TUBD1: variants seen among roughly 807,000 people sequenced by gnomAD.
The protein encoded by TUBD1 is tubulin delta chain.
In TUBD1, 38 loss-of-function variants were observed where a neutral mutation model predicts 51.2. The observed-to-expected ratio is 0.74, with a 90% CI of 0.57 to 0.97. TUBD1 has a LOEUF of 0.97. Ranked by LOEUF, TUBD1 falls within the 50% of genes least tolerant of loss-of-function variation. The pLI, the probability that TUBD1 is intolerant of heterozygous loss-of-function variation, is 0.00. For missense variants in TUBD1, 489 were observed against 538.4 expected (o/e 0.91, Z 0.91); for synonymous variants, 169 against 178.2 (o/e 0.95, Z 0.41).
intron 7 of TUBD1, among the ~76,000 whole-genome samples, chr17:59,866,025 T>C (rs1455787972): frequency 6.8e-6 from 1 of 147,266 alleles, no homozygotes; most frequent in African/African-American, 2.5e-5. Flanking sequence ...GCAGCAGAAC[T>C]GCTTGAACCT....
In TUBD1 at chr17:59,890,911, T is replaced by C; in HGVS notation, c.92A>G (p.Gln31Arg). ...ATTCTCTCTCATAGAGCAGAGTCCC[T>C]GGGAACTGTGTGAGTCACTAAGCAA... ...DALLSDSHSSQGLCSMRENEA... is the reference protein window; with the variant it reads ...DALLSDSHSSRGLCSMRENEA... The change falls in exon 2 of 9, where the codon CAG (glutamine) becomes CGG (arginine). Residue 31 changes from glutamine (Q) to arginine (R), a missense_variant. Gln to Arg is a conservative substitution (Grantham distance 43). Coordinates refer to ENST00000325752, the MANE Select transcript of TUBD1 (RefSeq NM_016261.4). The C allele has an allele frequency of 6.2e-7, 1 of 1,613,966 alleles. No individual in the cohort carries two copies. The highest frequency in any genetic ancestry group is 1.3e-5 in the African/African-American group (1 of 75,020).
intron 6 of TUBD1, among the ~76,000 whole-genome samples, chr17:59,873,257 G>GTTT (rs373205709): frequency 3.4e-5 from 5 of 147,046 alleles, no homozygotes; most frequent in African/African-American, 1.2e-4. Flanking sequence ...TTTTGTTGTT[G>GTTT]TTTTTTTTTT....
intron 6 of TUBD1, among the ~76,000 whole-genome samples, chr17:59,872,974 G>A (rs1186880560): frequency 6.6e-6 from 1 of 151,874 alleles, no homozygotes; most frequent in Non-Finnish European, 1.5e-5. Flanking sequence ...TGTTGCCCAG[G>A]CTGGTCTCGA....
rs2039772717 is a variant in TUBD1, at chr17:59,867,734, C to T, written c.935-985G>A. Among the ~76,000 whole-genome samples, 6 of 151,772 alleles carry T rather than the reference C, an allele frequency of 4.0e-5. No homozygotes were observed. The South Asian group carries it at 6.2e-4, about 16-fold the overall frequency. ...GCTTTTGGAGGATAAGATTTTGGAC[C>T]GATGTGCTAATGGGATGTAACTTTT... is the stretch of plus-strand genomic sequence containing the variant. On this transcript the variant is annotated intron_variant, in intron 6 of 8. Transcript: ENST00000325752.
chr17:59,884,633 A>G (rs993684127), intron 3 of TUBD1: 1 of 151,662 alleles, frequency 6.6e-6, no homozygotes, highest in Non-Finnish European at 1.5e-5. Context: ...AAAAATCCCA[A>G]CATCAGGCTG....
At chr17:59,882,084 C>A (rs12937951) in intron 3 of TUBD1, among the ~76,000 whole-genome samples, 2 of 37,156 alleles carry the variant, frequency 5.4e-5, no homozygotes, top group Non-Finnish European at 9.5e-5. Flanking sequence ...TTAGCAACTT[C>A]TTTTTTTTTT....
At chr17:59,873,488 C>A (rs1321174279) in intron 6 of TUBD1, among the ~76,000 whole-genome samples, 1 of 152,072 alleles carries the variant, frequency 6.6e-6, no homozygotes, top group Non-Finnish European at 1.5e-5. Context: ...TGGGCTCAAG[C>A]GCTTCTCCTG....
At chr17:59,875,631 G>T (rs1366746729) in intron 5 of TUBD1, among the ~76,000 whole-genome samples, 2 of 151,582 alleles carry the variant, frequency 1.3e-5, no homozygotes, top group African/African-American at 4.8e-5. Flanking sequence ...GTTGTGGCAG[G>T]CACCTGTAAT....
intron 4 of TUBD1, 127 bp downstream of exon 4, chr17:59,880,767 G>T: frequency 2.4e-6 from 2 of 832,082 alleles, no homozygotes; most frequent in Non-Finnish European, 3.9e-6. Context: ...GCCCGCCTTG[G>T]CCTCCCAAAG....
At chr17:59,861,548 C>T (rs934723924) in intron 8 of TUBD1, among the ~76,000 whole-genome samples, 2 of 152,072 alleles carry the variant, frequency 1.3e-5, no homozygotes, top group Non-Finnish European at 2.9e-5. Flanking sequence ...AAAAGAATAT[C>T]AAGGGCAGAC....
At chr17:59,881,826 A>G (rs1442281763) in intron 3 of TUBD1, among the ~76,000 whole-genome samples, 1 of 151,706 alleles carries the variant, frequency 6.6e-6, no homozygotes, top group Non-Finnish European at 1.5e-5. Flanking sequence ...CCCGAACCAC[A>G]CCAGGCTAAT....
At chr17:59,887,560 G>A (rs2040793312) in intron 2 of TUBD1, among the ~76,000 whole-genome samples, 2 of 152,304 alleles carry the variant, frequency 1.3e-5, no homozygotes, top group Admixed American at 6.5e-5. Flanking sequence ...GATGGATGGG[G>A]ATGAAAAGCA....
In TUBD1 at chr17:59,891,049, C is replaced by G. The variant is rs146260475; in HGVS notation, c.-39-8G>C. The G allele has an allele frequency of 1.3e-6, 2 of 1,488,560 alleles. No individual in the cohort carries two copies. 92.2% of individuals were successfully genotyped at this position (1,488,560 alleles called of 1,614,324 possible). A position where few individuals can be genotyped will look rare whatever the true frequency, so the allele number is the denominator to read the frequency against. On this transcript the variant is annotated splice_polypyrimidine_tract_variant and splice_region_variant and intron_variant, in intron 1 of 8. Transcript: ENST00000325752. Reference sequence around the variant, plus strand: ...ATTACCTCTAAAAACAACCTGTAATCGAAAAAAATACGCTTTGAGAACCAC... The same window carrying G: ...ATTACCTCTAAAAACAACCTGTAATGGAAAAAAATACGCTTTGAGAACCAC...
chr17:59,867,748 G>A (rs534667406), intron 6 of TUBD1, among the ~76,000 whole-genome samples: 1 of 152,108 alleles, frequency 6.6e-6, no homozygotes, highest in Admixed American at 6.6e-5. Context: ...GTGCTAATGG[G>A]ATGTAACTTT....
At chr17:59,876,951 T>C (rs540169990) in intron 5 of TUBD1, among the ~76,000 whole-genome samples, 58 of 152,060 alleles carry the variant, frequency 3.8e-4, no homozygotes, top group Non-Finnish European at 7.6e-4. Flanking sequence ...AACGTCTGCC[T>C]TATGGGTTCA....
chr17:59,883,117 G>C (rs556989964), intron 3 of TUBD1, among the ~76,000 whole-genome samples: 203 of 149,818 alleles, frequency 1.4e-3, no homozygotes, highest in African/African-American at 4.7e-3. Context: ...TTTTTTTGAG[G>C]CAGAGTCTCA....
In TUBD1 at chr17:59,874,531, C is replaced by T. The variant is rs1242827408; in HGVS notation, c.934+8G>A. ...TTGTGGGCTGCATATTTTTGGACTA[C>T]TCTTTACCTTCTTCCATCTTTGCAT... On this transcript the variant is annotated splice_region_variant and intron_variant, in intron 6 of 8. Coordinates refer to ENST00000325752, the MANE Select transcript of TUBD1 (RefSeq NM_016261.4). The T allele has an allele frequency of 6.2e-7, 1 of 1,609,954 alleles. No individual in the cohort carries two copies. Among genetic ancestry groups the T allele is most frequent in the Non-Finnish European group, 8.5e-7 (1 of 1,179,164 alleles).
intron 3 of TUBD1, among the ~76,000 whole-genome samples, chr17:59,883,295 G>A (rs1405672369): frequency 1.3e-5 from 2 of 150,420 alleles, no homozygotes; most frequent in African/African-American, 4.9e-5. Context: ...TTGAGATGGA[G>A]TTTTGTTCTT....
chr17:59,883,802 C>T (rs1165877426), intron 3 of TUBD1, among the ~76,000 whole-genome samples: 1 of 152,186 alleles, frequency 6.6e-6, no homozygotes, highest in African/African-American at 2.4e-5. Flanking sequence ...ATCCTCCTGC[C>T]TTGGCCTCCC....
Sources: allele counts gnomAD v4.1 joint callset (sites outside exome capture counted in the v4.1 genomes callset), GRCh38; gene constraint gnomAD v4.1.1; transcripts MANE v1.5; gene names NCBI Gene and HGNC (gene_info 2026-07-23, HGNC 2026-07-21).